The following CCDC85C variants were observed in gnomAD, a reference collection of about 807,000 sequenced individuals.
CCDC85C encodes coiled-coil domain-containing protein 85C.
CCDC85C carries 18 observed loss-of-function variants against 38.3 expected under a neutral mutation model. The ratio of observed to expected loss-of-function variants is 0.47; its 90% confidence interval spans 0.33 to 0.70. CCDC85C has a LOEUF of 0.70. Among genes scored for constraint, CCDC85C ranks in the 30% least tolerant of loss-of-function variants. CCDC85C has a pLI of 0.03. For synonymous variants in CCDC85C, 264 were observed against 293.8 expected (o/e 0.90, Z 1.04); for missense variants, 566 against 621.2 (o/e 0.91, Z 0.94).
Position 99,517,138 on chromosome 14 carries a change from C to T in CCDC85C, c.1021G>A (p.Gly341Ser), listed in dbSNP as rs1464432591. Residue 341 changes from glycine (G) to serine (S), a missense_variant, in exon 4 of 6, where the codon GGC (glycine) becomes AGC (serine). Around this residue, in one of 3 missense-constraint regions of CCDC85C, gnomAD observed 286 missense variants for 276.4 expected, o/e 1.03. Transcript: ENST00000380243. Reference protein sequence around the residue: ...APELPSPPSAGYSPAGQKPEA... With the variant: ...APELPSPPSASYSPAGQKPEA... ...GGCTTCTGTCCTGCAGGGCTGTAGC[C>T]AGCAGAGGGGGGCGAGGGCAGCTCA... 6.5e-7 allele frequency: 1 copy of T among 1,550,296 alleles called. No homozygotes were observed. Among genetic ancestry groups the T allele is most frequent in the Non-Finnish European group, 8.7e-7 (1 of 1,146,800 alleles).
chr14:99,540,136 G>A (rs1595351545), intron 1 of CCDC85C, among the ~76,000 whole-genome samples: 2 of 142,756 alleles, frequency 1.4e-5, no homozygotes, highest in Non-Finnish European at 3.1e-5. Context: ...GACAGAGCGA[G>A]ACTGTCTTTA....
Position 99,510,223 on chromosome 14 carries a change from A to G in CCDC85C, c.*5023T>C. 1 of 1,594,924 alleles carries G rather than the reference A, an allele frequency of 6.3e-7. No individual in the cohort carries two copies. The highest frequency in any genetic ancestry group is 8.5e-7 in the Non-Finnish European group (1 of 1,174,394). ...CCGCCGGGCCCTGTGGATGCCACTG[A>G]CCTCCCCAAAGTCCAGATTCCCCCT... On this transcript the variant is annotated 3_prime_UTR_variant, in exon 6 of 6. Transcript: ENST00000380243.
chr14:99,518,715 T>C (rs1372921979), intron 3 of CCDC85C, among the ~76,000 whole-genome samples: 1 of 152,154 alleles, frequency 6.6e-6, no homozygotes, highest in East Asian at 1.9e-4. Flanking sequence ...TGGCCTCATC[T>C]GCACCAGGCC....
chr14:99,549,622 G>A (rs1016806455), intron 1 of CCDC85C, among the ~76,000 whole-genome samples: 1 of 152,214 alleles, frequency 6.6e-6, no homozygotes, highest in African/African-American at 2.4e-5. Flanking sequence ...GAACGCAACT[G>A]GGTCTCCTGC....
chr14:99,594,313 C>G (rs1230672061), intron 1 of CCDC85C, among the ~76,000 whole-genome samples: 2 of 152,230 alleles, frequency 1.3e-5, no homozygotes, highest in East Asian at 3.9e-4. Flanking sequence ...CACTAAACCC[C>G]TTACTGAGTC....
At position 99,532,783 on chromosome 14, in the gene CCDC85C, T is replaced by TTC. The variant is rs1450491052; in HGVS notation, c.867+3231_867+3232insGA. On this transcript the variant is annotated intron_variant, in intron 2 of 5. Transcript: ENST00000380243. ...CCTCTGGTTCTTCTTCTTCTTCTTCTTTTTTTTTTTTTTTTTGAGGTGGAG... is the reference window on the plus strand; with the variant it reads ...CCTCTGGTTCTTCTTCTTCTTCTTCTTCTTTTTTTTTTTTTTTTGAGGTGGAG... Among the ~76,000 whole-genome samples the TTC allele has an allele frequency of 1.6e-3, 57 of 35,596 alleles. No individual in the cohort carries two copies. In the East Asian group the frequency reaches 0.043, roughly 27 times the overall value. The allele number at this position is 35,596 out of a possible 152,430, so 23.4% of individuals were successfully genotyped here.
intron 1 of CCDC85C, among the ~76,000 whole-genome samples, chr14:99,598,740 G>A (rs548970640): frequency 1.3e-5 from 2 of 152,194 alleles, no homozygotes; most frequent in Non-Finnish European, 2.9e-5. Flanking sequence ...ACAGGACCTA[G>A]AGCAAGTCAC....
In CCDC85C at chr14:99,544,430, C is replaced by T. The variant is rs187936077; in HGVS notation, c.794-8342G>A. Among the ~76,000 whole-genome samples, 6 of 152,176 alleles carry T rather than the reference C, an allele frequency of 3.9e-5. No homozygotes were observed. The East Asian group carries it at 7.7e-4, about 20-fold the overall frequency. On this transcript the variant is annotated intron_variant, in intron 1 of 5. Transcript: ENST00000380243. The surrounding 1 kb of genome is among the most constrained non-coding windows in gnomAD (Gnocchi z 5.3). ...TCCCCCAACAAAGAGACCGAGGTTC[C>T]GAGGGGCTCCATAACCACCCAGTCA...
rs769077917 is a variant in CCDC85C, at chr14:99,510,749, TGGG to T, written c.*4494_*4496del. The T allele has an allele frequency of 1.4e-6, 2 of 1,446,604 alleles. No homozygotes were observed. Among genetic ancestry groups the T allele is most frequent in the Admixed American group, 2.8e-5 (1 of 36,232 alleles). The allele number at this position is 1,446,604 out of a possible 1,614,324, so 89.6% of individuals were successfully genotyped here. A position where few individuals can be genotyped will look rare whatever the true frequency, so the allele number is the denominator to read the frequency against. ...TTCCCCCACCCGGCATGCCTCCAGT[TGGG>T]GGGCTGGGGCGGGCAGCCTGGATGA... On this transcript the variant is annotated 3_prime_UTR_variant, in exon 6 of 6. Transcript: ENST00000380243.
chr14:99,565,495 A>C (rs1898198355), intron 1 of CCDC85C, among the ~76,000 whole-genome samples: 1 of 152,252 alleles, frequency 6.6e-6, no homozygotes, highest in African/African-American at 2.4e-5. Flanking sequence ...ACTGGCCTGG[A>C]CAAATTCAAG....
chr14:99,593,181 C>A (rs1356604487), intron 1 of CCDC85C, among the ~76,000 whole-genome samples: 1 of 152,208 alleles, frequency 6.6e-6, no homozygotes, highest in Admixed American at 6.5e-5. Flanking sequence ...GCCCTTGTGG[C>A]GGGCGGGGGA....
chr14:99,541,380 C>T (rs1897709402), intron 1 of CCDC85C, among the ~76,000 whole-genome samples: 1 of 152,236 alleles, frequency 6.6e-6, no homozygotes, highest in Non-Finnish European at 1.5e-5. Flanking sequence ...TGGGCACACG[C>T]TCCTTGCATC....
At position 99,501,758 on chromosome 14, in the gene CCDC85C, C is replaced by T. The variant is rs1246447009; in HGVS notation, c.*13488G>A. ...CTGGTATAGTTTTAGAGCCTTAACA[C>T]TCTTTTGAGAGGCCAGGGATCTAAT... On this transcript the variant is annotated 3_prime_UTR_variant, in exon 6 of 6. Transcript: ENST00000380243. 3.8e-6 allele frequency: 1 copy of T among 263,052 alleles called. No individual in the cohort carries two copies. Among genetic ancestry groups the T allele is most frequent in the East Asian group, 9.5e-5 (1 of 10,534 alleles). The allele number at this position is 263,052 out of a possible 1,614,324, so 16.3% of individuals were successfully genotyped here.
At chr14:99,584,131 A>T (rs1330358846) in intron 1 of CCDC85C, among the ~76,000 whole-genome samples, 1 of 152,092 alleles carries the variant, frequency 6.6e-6, no homozygotes, top group East Asian at 1.9e-4. Flanking sequence ...GGGCTCAAGA[A>T]ATCCTCCTGC....
intron 1 of CCDC85C, among the ~76,000 whole-genome samples, chr14:99,597,913 A>C (rs570773654): frequency 6.6e-6 from 1 of 152,238 alleles, no homozygotes; most frequent in East Asian, 1.9e-4. Context: ...CCATCCTTTA[A>C]GGCCCAGTTC....
chr14:99,517,734 C>A (rs1013809352), intron 3 of CCDC85C, among the ~76,000 whole-genome samples: 2 of 152,190 alleles, frequency 1.3e-5, no homozygotes, highest in African/African-American at 4.8e-5. Context: ...CCACATCAGG[C>A]CTTGGGGAGG....
At chr14:99,559,692 G>A (rs747636834) in intron 1 of CCDC85C, among the ~76,000 whole-genome samples, 12 of 152,232 alleles carry the variant, frequency 7.9e-5, no homozygotes, top group Non-Finnish European at 1.8e-4. Context: ...ATGTCTAGCA[G>A]CCGAGGAGCT....
chr14:99,540,503 G>T (rs761949243), intron 1 of CCDC85C, among the ~76,000 whole-genome samples: 4 of 152,208 alleles, frequency 2.6e-5, no homozygotes, highest in Admixed American at 1.3e-4. Flanking sequence ...GGAGATGAGC[G>T]GGTAATTAAG....
chr14:99,579,143 G>A (rs932004173), intron 1 of CCDC85C, among the ~76,000 whole-genome samples: 5 of 152,204 alleles, frequency 3.3e-5, no homozygotes, highest in Admixed American at 6.5e-5. Flanking sequence ...AGAGGTGCTC[G>A]CCTGGGTACC....
Sources: allele counts gnomAD v4.1 joint callset (sites outside exome capture counted in the v4.1 genomes callset), GRCh38; gene constraint gnomAD v4.1.1; regional missense constraint gnomAD v4.1.1; non-coding constraint Gnocchi (gnomAD v3.1); transcripts MANE v1.5; gene names NCBI Gene and HGNC (gene_info 2026-07-23, HGNC 2026-07-21).